The following THUMPD2 variants were observed in gnomAD, a reference collection of about 807,000 sequenced individuals.
THUMPD2 encodes the protein THUMP domain 2 tRNA and snRNA guanosine methyltransferase.
In THUMPD2, 56 loss-of-function variants were observed where a neutral mutation model predicts 49.4. The ratio of observed to expected loss-of-function variants is 1.13; its 90% CI spans 0.91 to 1.41. The LOEUF (loss-of-function observed/expected upper bound fraction) is 1.41. Among genes scored for constraint, THUMPD2 ranks in the 40% most tolerant of loss-of-function variants. The pLI is 0.00. For missense variants in THUMPD2, 709 were observed against 594.5 expected (o/e 1.19, Z -2.00); for synonymous variants, 237 against 205.2 (o/e 1.15, Z -1.32).
At chr2:39,749,584 A>G (rs911841871) in intron 8 of THUMPD2, among the ~76,000 whole-genome samples, 3 of 152,190 alleles carry the variant, frequency 2.0e-5, no homozygotes, top group African/African-American at 4.8e-5. Context: ...CATTCTTAGA[A>G]TTACTAAGTT....
intron 6 of THUMPD2, chr2:39,757,245 T>A (rs1037021908): frequency 3.9e-6 from 2 of 517,948 alleles, no homozygotes; most frequent in Admixed American, 2.5e-5. Flanking sequence ...AGCAGGAACG[T>A]ACCCCACTGT....
chr2:39,748,567 A>G (rs563595100), intron 8 of THUMPD2, among the ~76,000 whole-genome samples: 29 of 152,262 alleles, frequency 1.9e-4, no homozygotes, highest in African/African-American at 6.5e-4. Flanking sequence ...ATGCGCCTGT[A>G]GTCCCAGCTA....
intron 8 of THUMPD2, among the ~76,000 whole-genome samples, chr2:39,750,774 C>A (rs960604805): frequency 6.6e-6 from 1 of 152,188 alleles, no homozygotes; most frequent in Non-Finnish European, 1.5e-5. Flanking sequence ...CCTCTATAAA[C>A]AGACTTGTTT....
chr2:39,751,830 A>C (rs1195798262), intron 8 of THUMPD2, among the ~76,000 whole-genome samples: 5 of 152,000 alleles, frequency 3.3e-5, no homozygotes, highest in Non-Finnish European at 7.4e-5. Context: ...GACTACAGCC[A>C]CTACGCCTGG....
At chr2:39,756,996 G>C (rs1376491238) in intron 6 of THUMPD2, among the ~76,000 whole-genome samples, 1 of 151,642 alleles carries the variant, frequency 6.6e-6, no homozygotes, top group Non-Finnish European at 1.5e-5. Flanking sequence ...TACCCTTCTG[G>C]GTATGACAAG....
intron 8 of THUMPD2, among the ~76,000 whole-genome samples, chr2:39,751,421 T>C (rs73924920): frequency 0.056 from 8,460 of 152,310 alleles, 389 homozygotes; most frequent in African/African-American, 0.12. Flanking sequence ...GAATGCCTAA[T>C]TGGAAGGAAA....
chr2:39,761,528 C>A, intron 5 of THUMPD2, 110 bp from the exon 6 acceptor site: 1 of 1,004,412 alleles, frequency 1.0e-6, no homozygotes, highest in Non-Finnish European at 1.5e-6. Flanking sequence ...ATCCAACATA[C>A]ACTAAAGTAT....
intron 6 of THUMPD2, among the ~76,000 whole-genome samples, chr2:39,756,893 A>T (rs1041201855): frequency 2.6e-5 from 4 of 151,350 alleles, no homozygotes; most frequent in African/African-American, 9.7e-5. Context: ...GACACTTAGT[A>T]AATGCAAGCT....
At chr2:39,757,307 T>A (rs773852038) in intron 6 of THUMPD2, 1 of 1,024,948 alleles carries the variant, frequency 9.8e-7, no homozygotes, top group East Asian at 6.0e-5. Context: ...CCACTTGATA[T>A]GTCTACAGAG....
rs1678034676 is a variant in THUMPD2, at chr2:39,769,574, C to T, written c.672+136G>A. On this transcript the variant is annotated intron_variant, in intron 3 of 9. Transcript: ENST00000505747. Reference sequence around the variant, plus strand: ...AAAATTAGCTGGGTGTGGTGACGCACACCTGTGATCCCAGCTACTCAGGAG... The same window carrying T: ...AAAATTAGCTGGGTGTGGTGACGCATACCTGTGATCCCAGCTACTCAGGAG... The T allele has an allele frequency of 7.4e-6, 6 of 808,722 alleles. No individual in the cohort carries two copies. The South Asian group carries it at 1.7e-4, about 23-fold the overall frequency. The allele number at this position is 808,722 out of a possible 1,614,324, so 50.1% of individuals were successfully genotyped here.
chr2:39,763,593 A>G (rs1677115193), intron 5 of THUMPD2, among the ~76,000 whole-genome samples: 1 of 152,094 alleles, frequency 6.6e-6, no homozygotes, highest in African/African-American at 2.4e-5. Flanking sequence ...AGACTCCTTA[A>G]CTATTTTTTG....
chr2:39,740,145 G>C (rs1405466255), intron 9 of THUMPD2, among the ~76,000 whole-genome samples: 1 of 152,160 alleles, frequency 6.6e-6, no homozygotes, highest in Non-Finnish European at 1.5e-5. Flanking sequence ...TGAAGAAACT[G>C]TGATACTGTG....
chr2:39,744,247 T>G (rs1674284829), intron 9 of THUMPD2, 123 bp downstream of exon 9: 6 of 529,868 alleles, frequency 1.1e-5, no homozygotes, highest in Middle Eastern at 3.0e-4. Flanking sequence ...CCTTAGAAAA[T>G]TAAGCTACAA....
chr2:39,747,004 G>A (rs1674682516), intron 8 of THUMPD2, among the ~76,000 whole-genome samples: 1 of 152,010 alleles, frequency 6.6e-6, no homozygotes, highest in African/African-American at 2.4e-5. Context: ...TAATCATTTT[G>A]CCTTGATTTT....
At chr2:39,772,045 A>G (rs1678395905) in intron 1 of THUMPD2, among the ~76,000 whole-genome samples, 1 of 152,208 alleles carries the variant, frequency 6.6e-6, no homozygotes, top group African/African-American at 2.4e-5. Flanking sequence ...GAAGAAAACT[A>G]AAAAGTTTTA....
intron 9 of THUMPD2, among the ~76,000 whole-genome samples, chr2:39,741,597 C>T (rs1673904774): frequency 6.6e-6 from 1 of 152,166 alleles, no homozygotes; most frequent in Non-Finnish European, 1.5e-5. Flanking sequence ...GAATTCCTGA[C>T]AATGCTCTGT....
intron 6 of THUMPD2, among the ~76,000 whole-genome samples, chr2:39,760,645 G>GA (rs1224898015): frequency 5.3e-5 from 8 of 151,438 alleles, no homozygotes; most frequent in Non-Finnish European, 7.4e-5. Flanking sequence ...ATGTAAAGTT[G>GA]AAAAAAAAGC....
intron 8 of THUMPD2, among the ~76,000 whole-genome samples, chr2:39,754,002 T>A (rs757829450): frequency 1.3e-5 from 2 of 152,088 alleles, no homozygotes; most frequent in Non-Finnish European, 2.9e-5. Context: ...GTTTTTTAAA[T>A]GAAATCTTTT....
intron 2 of THUMPD2, among the ~76,000 whole-genome samples, chr2:39,771,243 C>T (rs979287428): frequency 6.6e-6 from 1 of 151,890 alleles, no homozygotes; most frequent in African/African-American, 2.4e-5. Context: ...AGAGAAGGTA[C>T]CTGATCATAA....
Sources: gnomAD v4.1 joint callset for allele counts (sites outside exome capture counted in the v4.1 genomes callset) on GRCh38, gnomAD v4.1.1 for gene constraint, MANE v1.5 for transcripts, NCBI Gene and HGNC (gene_info 2026-07-23, HGNC 2026-07-21) for gene names.